The following LAMA2 variants were observed in gnomAD, a reference collection of about 807,000 sequenced individuals.
LAMA2 encodes laminin subunit alpha-2.
Under a neutral mutation model 364.8 loss-of-function variants are expected in LAMA2, and 269 were observed. The ratio of observed to expected loss-of-function variants is 0.74; its 90% CI spans 0.67 to 0.82. LAMA2 has a LOEUF of 0.82. LAMA2 is among the 40% of genes least tolerant of loss of function. The probability of loss-of-function intolerance (pLI) is 0.00; values close to 1 mark genes in which losing one functional copy is unlikely to be tolerated. For synonymous variants in LAMA2, 1,379 were observed against 1,370.6 expected, an observed-to-expected ratio of 1.01 and a Z score of -0.14; for missense variants, 3,807 against 3,873.2, an observed-to-expected ratio of 0.98 and a Z score of 0.45.
At chr6:129,172,751 G>T (rs1448966780) in intron 9 of LAMA2, among the ~76,000 whole-genome samples, 1 of 151,960 alleles carries the variant, frequency 6.6e-6, no homozygotes, top group African/African-American at 2.4e-5. Flanking sequence ...CCTGGGCAAT[G>T]GCGGCGCCCC....
chr6:129,460,061 T>C (rs1583803741), intron 48 of LAMA2, 139 bp from the exon 49 acceptor site: 2 of 802,794 alleles, frequency 2.5e-6, no homozygotes, highest in East Asian at 2.5e-5. Flanking sequence ...GATGAAAAGA[T>C]GAATATGTAC....
intron 8 of LAMA2, among the ~76,000 whole-genome samples, chr6:129,156,183 C>T (rs1438616634): frequency 6.6e-6 from 1 of 150,638 alleles, no homozygotes; most frequent in African/African-American, 2.4e-5. Flanking sequence ...TATATATATA[C>T]AATGATATTC....
intron 1 of LAMA2, among the ~76,000 whole-genome samples, chr6:128,969,165 G>C (rs1011461986): frequency 6.6e-6 from 1 of 152,134 alleles, no homozygotes; most frequent in Non-Finnish European, 1.5e-5. Flanking sequence ...AGTGAGAAGG[G>C]TTAATATAAC....
intron 37 of LAMA2, among the ~76,000 whole-genome samples, chr6:129,398,474 T>C (rs959317528): frequency 3.2e-4 from 45 of 142,416 alleles, no homozygotes; most frequent in African/African-American, 1.1e-3. Flanking sequence ...TTTCTTTTCT[T>C]TTTTTTTTTT....
chr6:129,389,881 A>G (rs1186134396), intron 35 of LAMA2, among the ~76,000 whole-genome samples: 1 of 152,178 alleles, frequency 6.6e-6, no homozygotes, highest in East Asian at 1.9e-4. Flanking sequence ...ACATGTGGGT[A>G]TTACAACTTG....
At chr6:129,220,990 T>A (rs1783791157) in intron 12 of LAMA2, among the ~76,000 whole-genome samples, 1 of 151,988 alleles carries the variant, frequency 6.6e-6, no homozygotes, top group Non-Finnish European at 1.5e-5. Flanking sequence ...GGTGAAACCC[T>A]GTCTCTACTA....
intron 1 of LAMA2, among the ~76,000 whole-genome samples, chr6:128,936,966 G>GAA (rs1403256915): frequency 6.6e-6 from 1 of 152,112 alleles, no homozygotes; most frequent in African/African-American, 2.4e-5. Context: ...GGATACCCTA[G>GAA]AAAAAGGAAT....
chr6:128,900,397 T>C (rs2114413792), intron 1 of LAMA2, among the ~76,000 whole-genome samples: 1 of 152,250 alleles, frequency 6.6e-6, no homozygotes, highest in East Asian at 1.9e-4. Flanking sequence ...CATAGCACAG[T>C]GCCTGGCACC....
intron 40 of LAMA2, among the ~76,000 whole-genome samples, chr6:129,407,541 A>T (rs1780309787): frequency 6.6e-6 from 1 of 152,260 alleles, no homozygotes; most frequent in African/African-American, 2.4e-5. Context: ...ATACATGCAC[A>T]AACATATTCT....
intron 12 of LAMA2, among the ~76,000 whole-genome samples, chr6:129,226,898 G>C (rs906012907): frequency 2.0e-5 from 3 of 152,122 alleles, no homozygotes; most frequent in African/African-American, 7.2e-5. Flanking sequence ...GGTTGGGGAA[G>C]TTCTCCTGGA....
chr6:129,048,485 TTTCTTTCTTTCCTTCC>T (rs1429534771), intron 1 of LAMA2, among the ~76,000 whole-genome samples: 3,461 of 85,462 alleles, frequency 0.04, 49 homozygotes, highest in Admixed American at 0.063. Flanking sequence ...TCTTTCTTTC[TTTCTTTCTTTCCTTCC>T]TTCCTTCCTT....
intron 40 of LAMA2, among the ~76,000 whole-genome samples, chr6:129,417,542 C>A (rs112408904): frequency 1.3e-5 from 2 of 152,126 alleles, no homozygotes; most frequent in African/African-American, 2.4e-5. Flanking sequence ...ACAGTCCAGC[C>A]CCCTTCCTTC....
chr6:129,120,931 A>C (rs140479358), intron 4 of LAMA2, among the ~76,000 whole-genome samples: 171 of 152,314 alleles, frequency 1.1e-3, no homozygotes, highest in African/African-American at 3.9e-3. Context: ...ATAGCTTCTG[A>C]ATTGCAAGGA....
chr6:128,989,142 T>G (rs564677974), intron 1 of LAMA2, among the ~76,000 whole-genome samples: 139 of 152,310 alleles, frequency 9.1e-4, no homozygotes, highest in Non-Finnish European at 1.8e-3. Flanking sequence ...TTTTAAAATA[T>G]TTTTAAAAGT....
chr6:128,983,517 G>T (rs1479543113), intron 1 of LAMA2, among the ~76,000 whole-genome samples: 1 of 152,134 alleles, frequency 6.6e-6, no homozygotes, highest in Non-Finnish European at 1.5e-5. Context: ...AGAGTGAATG[G>T]CCACTGTCTT....
At chr6:129,104,314 T>A (rs1473714226) in intron 4 of LAMA2, among the ~76,000 whole-genome samples, 1 of 152,218 alleles carries the variant, frequency 6.6e-6, no homozygotes, top group Non-Finnish European at 1.5e-5. Flanking sequence ...CCCAGAGGAA[T>A]TTTTAAGGCC....
At chr6:129,268,260 A>G (rs1787650851) in intron 16 of LAMA2, among the ~76,000 whole-genome samples, 1 of 152,026 alleles carries the variant, frequency 6.6e-6, no homozygotes, top group Non-Finnish European at 1.5e-5. Context: ...GGATCAGTGG[A>G]TTTTTGAAAT....
intron 14 of LAMA2, among the ~76,000 whole-genome samples, chr6:129,259,791 T>C (rs1259293442): frequency 1.3e-5 from 2 of 151,992 alleles, no homozygotes; most frequent in Admixed American, 6.6e-5. Flanking sequence ...AATTGAGGCC[T>C]AGAAAGAATA....
chr6:129,267,093 A>T lies in LAMA2; in HGVS notation c.2209-13A>T, dbSNP rs771287815. The T allele has an allele frequency of 1.3e-6, 2 of 1,540,776 alleles. No individual in the cohort carries two copies. Among genetic ancestry groups the T allele is most frequent in the South Asian group, 2.2e-5 (2 of 89,638 alleles). On this transcript the variant is annotated splice_polypyrimidine_tract_variant and intron_variant, in intron 15 of 64. Coordinates refer to ENST00000421865, the MANE Select transcript of LAMA2 (RefSeq NM_000426.4). ...AATCTCCAAGACTGACTAAAGCCTT[A>T]TCTTTCTCTCAGTCTTGTTGGCCTA... is the stretch of plus-strand genomic sequence containing the variant.
Sources: gnomAD v4.1 joint callset for allele counts (sites outside exome capture counted in the v4.1 genomes callset) on GRCh38, gnomAD v4.1.1 for gene constraint, MANE v1.5 for transcripts, NCBI Gene and HGNC (gene_info 2026-07-23, HGNC 2026-07-21) for gene names.